Variants in WDFY3 observed in about 807,000 individuals in gnomAD.
WDFY3 encodes the protein WD repeat and FYVE domain containing 3, also known as WD repeat and FYVE domain-containing protein 3.
In WDFY3, 66 loss-of-function variants were observed where a neutral mutation model predicts 409.6. The ratio of observed to expected loss-of-function variants is 0.16; its 90% confidence interval spans 0.13 to 0.20. WDFY3 has a LOEUF of 0.20. Among genes scored for constraint, WDFY3 ranks in the 10% least tolerant of loss-of-function variants. The probability of loss-of-function intolerance (pLI) is 1.00; values close to 1 mark genes in which losing one functional copy is unlikely to be tolerated. For missense variants in WDFY3, 3,031 were observed against 4,298.1 expected, an observed-to-expected ratio of 0.71 and a Z score of 8.24; for synonymous variants, 1,521 against 1,537.1, an observed-to-expected ratio of 0.99 and a Z score of 0.25.
intron 2 of WDFY3, among the ~76,000 whole-genome samples, chr4:84,914,444 CA>C (rs1311188503): frequency 2.7e-5 from 4 of 150,356 alleles, no homozygotes; most frequent in Non-Finnish European, 5.9e-5. Flanking sequence ...CAAAACAAAA[CA>C]AAAAAAAATA....
chr4:84,732,076 T>C (rs1031520184), intron 44 of WDFY3, among the ~76,000 whole-genome samples: 1 of 152,166 alleles, frequency 6.6e-6, no homozygotes, highest in African/African-American at 2.4e-5. Flanking sequence ...TATGGGTGGA[T>C]TACCTTTTTT....
chr4:84,920,415 T>A (rs777198574), intron 2 of WDFY3, among the ~76,000 whole-genome samples: 1 of 152,154 alleles, frequency 6.6e-6, no homozygotes, highest in Non-Finnish European at 1.5e-5. Context: ...TCAATGTAAC[T>A]CTCAAATGGC....
At chr4:84,764,894 T>C (rs1445255572) in intron 32 of WDFY3, among the ~76,000 whole-genome samples, 1 of 151,764 alleles carries the variant, frequency 6.6e-6, no homozygotes, top group Non-Finnish European at 1.5e-5. Context: ...TCTGTCTTCC[T>C]ATAATTTGCT....
At chr4:84,903,616 A>G (rs947388390) in intron 2 of WDFY3, among the ~76,000 whole-genome samples, 4 of 152,132 alleles carry the variant, frequency 2.6e-5, no homozygotes, top group African/African-American at 9.7e-5. Context: ...CACTGTGCCC[A>G]GTCCTATAAT....
intron 61 of WDFY3, among the ~76,000 whole-genome samples, chr4:84,689,051 T>C (rs180948537): frequency 6.6e-6 from 1 of 152,238 alleles, no homozygotes; most frequent in Non-Finnish European, 1.5e-5. Context: ...CGCTTAATAA[T>C]GAGTTGGCTT....
chr4:84,711,628 G>A (rs1423347450), intron 51 of WDFY3, among the ~76,000 whole-genome samples: 1 of 152,018 alleles, frequency 6.6e-6, no homozygotes, highest in Non-Finnish European at 1.5e-5. Context: ...CGAGGAGGGC[G>A]GATCGCGAGG....
At position 84,670,489 on chromosome 4, in the gene WDFY3, GC is replaced by G. The variant is rs1725295154; in HGVS notation, c.*2378del. 1 of 152,676 alleles carries G rather than the reference GC, an allele frequency of 6.5e-6. No homozygotes were observed. The highest frequency in any genetic ancestry group is 2.4e-5 in the African/African-American group (1 of 41,458). The allele number at this position is 152,676 out of a possible 1,614,324, so 9.5% of individuals were successfully genotyped here. A position where few individuals can be genotyped will look rare whatever the true frequency, so the allele number is the denominator to read the frequency against. On this transcript the variant is annotated 3_prime_UTR_variant, in exon 68 of 68. Transcript: ENST00000295888. ...AAAACAGTTGCCCACAGCACCAGCTGCCAGAGGAAATACTACCATGAGGGTT... is the reference window on the plus strand; with the variant it reads ...AAAACAGTTGCCCACAGCACCAGCTGCAGAGGAAATACTACCATGAGGGTT...
intron 3 of WDFY3, among the ~76,000 whole-genome samples, chr4:84,887,545 CTA>C (rs1197927728): frequency 1.3e-5 from 2 of 152,178 alleles, no homozygotes; most frequent in Non-Finnish European, 2.9e-5. Context: ...TTTCCTGCCT[CTA>C]TGTCAGTTTT....
At chr4:84,873,975 T>C (rs987986814) in intron 3 of WDFY3, among the ~76,000 whole-genome samples, 1 of 151,624 alleles carries the variant, frequency 6.6e-6, no homozygotes, top group Admixed American at 6.6e-5. Flanking sequence ...GAGATGGAGT[T>C]TCGCCATGTT....
At chr4:84,787,894 G>A (rs1380863271) in intron 22 of WDFY3, among the ~76,000 whole-genome samples, 181 bp from the exon 23 acceptor site, 1 of 152,138 alleles carries the variant, frequency 6.6e-6, no homozygotes, top group Non-Finnish European at 1.5e-5. Context: ...TGAGGACCAG[G>A]TATAGTAGCT....
In WDFY3 at chr4:84,692,931, A is replaced by G. The variant is rs774328722; in HGVS notation, c.9003T>C (p.Phe3001=). 7 of 1,613,270 alleles carry G rather than the reference A, an allele frequency of 4.3e-6. No individual in the cohort carries two copies. In the Admixed American group the frequency reaches 1.2e-4, roughly 27 times the overall value. ...GCCTCAAGTTGTCTAGATGATGAAA[A>G]AAGATCTTGTCACTTGTAGATCCTG... is the stretch of plus-strand genomic sequence containing the variant. ...VLPGSTSDKI[F]FHHLDNLRPS... Residue 3001 remains phenylalanine (F), a synonymous_variant, in exon 59 of 68, where the codon TTT becomes TTC. Coordinates refer to ENST00000295888, the MANE Select transcript of WDFY3 (RefSeq NM_014991.6).
chr4:84,695,330 C>T lies in WDFY3; in HGVS notation c.8901+640G>A, dbSNP rs147253755. ...GTCCTAGGCACTCCTATGGCACGTG[C>T]TCTCACAGCACAGCACTTATTAGGC... On this transcript the variant is annotated intron_variant, in intron 58 of 67. Coordinates refer to ENST00000295888, the MANE Select transcript of WDFY3 (RefSeq NM_014991.6). Among the ~76,000 whole-genome samples, 22 of 152,194 alleles carry T rather than the reference C, an allele frequency of 1.4e-4. No individual in the cohort carries two copies. In the East Asian group the frequency reaches 1.6e-3, roughly 11 times the overall value.
At chr4:84,707,830 T>C (rs987627570) in intron 53 of WDFY3, among the ~76,000 whole-genome samples, 2 of 152,232 alleles carry the variant, frequency 1.3e-5, no homozygotes, top group Admixed American at 6.5e-5. Flanking sequence ...AGCAAATATA[T>C]AGATTCACAC....
chr4:84,746,846 A>T (rs980976378), intron 36 of WDFY3, among the ~76,000 whole-genome samples: 2 of 151,548 alleles, frequency 1.3e-5, no homozygotes, highest in Non-Finnish European at 2.9e-5. Context: ...TTTAGAAATA[A>T]TTGAGGCTTA....
intron 24 of WDFY3, among the ~76,000 whole-genome samples, chr4:84,784,891 T>TATATATATATAA (rs1238884117): frequency 2.7e-5 from 1 of 36,916 alleles, no homozygotes; most frequent in Non-Finnish European, 6.6e-5. Context: ...TATATATATA[T>TATATATATATAA]ACACACACAC....
intron 1 of WDFY3, among the ~76,000 whole-genome samples, chr4:84,932,886 A>T (rs1249124050): frequency 6.6e-6 from 1 of 152,192 alleles, no homozygotes; most frequent in Non-Finnish European, 1.5e-5. Flanking sequence ...GTCTCAAGTT[A>T]TTTGGGTTGC....
At chr4:84,829,263 GTTGT>G in intron 8 of WDFY3, 73 bp from the exon 9 acceptor site, 1 of 1,214,458 alleles carries the variant, frequency 8.2e-7, no homozygotes, top group Non-Finnish European at 1.1e-6. Context: ...ATTGTTAACT[GTTGT>G]TTAATGAAAC....
chr4:84,707,669 CCTGT>C (rs1257324834), intron 53 of WDFY3, among the ~76,000 whole-genome samples: 1 of 152,168 alleles, frequency 6.6e-6, no homozygotes, highest in Non-Finnish European at 1.5e-5. Context: ...TTTTGGACTT[CCTGT>C]CTCTTTAAAA....
chr4:84,961,339 C>A (rs781292485), intron 1 of WDFY3, among the ~76,000 whole-genome samples: 2 of 151,658 alleles, frequency 1.3e-5, no homozygotes, highest in Non-Finnish European at 2.9e-5. Context: ...GAAATCCCAT[C>A]AAAGCAAATT....
Sources: allele counts gnomAD v4.1 joint callset (sites outside exome capture counted in the v4.1 genomes callset), GRCh38; gene constraint gnomAD v4.1.1; transcripts MANE v1.5; gene names NCBI Gene and HGNC (gene_info 2026-07-23, HGNC 2026-07-21).